OVCH2: variants seen among roughly 807,000 people sequenced by gnomAD.
OVCH2 encodes the protein ovochymase 2, also known as ovochymase-2.
In OVCH2, 88 loss-of-function variants were observed where a neutral mutation model predicts 73.7. That is an observed-to-expected ratio of 1.19 (90% CI 1.01 to 1.43). The LOEUF is 1.43. Ranked by LOEUF, OVCH2 falls within the 40% of genes most tolerant of loss-of-function variation. The pLI is 0.00. For missense variants in OVCH2, 706 were observed against 674.5 expected (o/e 1.05, Z -0.52); for synonymous variants, 265 against 234.5 (o/e 1.13, Z -1.19).
downstream of OVCH2, chr11:7,689,367 C>A (rs1856176376): frequency 8.5e-6 from 2 of 233,958 alleles, no homozygotes; most frequent in South Asian, 1.2e-4. Context: ...AGTCAGCCCC[C>A]ACAATTGTGT....
chr11:7,695,052 C>A lies in OVCH2; in HGVS notation c.1413+6G>T. ...ATAGCTACGTAAGGACAGCCAAAGT[C>A]AATACCTTAATTAGGTGATGTTTGG... On this transcript the variant is annotated splice_donor_region_variant and intron_variant, in intron 12 of 15. Transcript: ENST00000533663. The A allele has an allele frequency of 6.5e-7, 1 of 1,548,876 alleles. No homozygotes were observed. The highest frequency in any genetic ancestry group is 1.2e-5 in the South Asian group (1 of 83,012).
At chr11:7,686,404 G>C (rs1300161033), downstream of OVCH2, among the ~76,000 whole-genome samples, 1 of 152,116 alleles carries the variant, frequency 6.6e-6, no homozygotes, top group East Asian at 1.9e-4. Context: ...CATAAGTTTT[G>C]ATTTAAAAAT....
intron 3 of OVCH2, among the ~76,000 whole-genome samples, 174 bp from the exon 4 acceptor site, chr11:7,702,503 C>A (rs1328271581): frequency 6.6e-6 from 1 of 152,126 alleles, no homozygotes; most frequent in East Asian, 1.9e-4. Flanking sequence ...TGCAGAGATT[C>A]CAACTTCCAG....
intron 11 of OVCH2, 37 bp from the exon 12 acceptor site, chr11:7,695,225 T>C (rs1038934311): frequency 3.0e-5 from 46 of 1,525,588 alleles, no homozygotes; most frequent in Middle Eastern, 1.7e-4. Flanking sequence ...GATGGCACCA[T>C]TCAAATAAAG....
intron 7 of OVCH2, chr11:7,699,967 G>A (rs1476463031): frequency 9.1e-6 from 2 of 220,838 alleles, no homozygotes; most frequent in Non-Finnish European, 1.8e-5. Flanking sequence ...TGGTGCCATC[G>A]TGTAATGGTG....
chr11:7,691,043 G>A (rs1057252132), intron 14 of OVCH2, among the ~76,000 whole-genome samples: 6 of 152,152 alleles, frequency 3.9e-5, no homozygotes, highest in African/African-American at 1.2e-4. Flanking sequence ...ACAAGTTTAT[G>A]TACTGATCAG....
At chr11:7,695,486 T>A in intron 11 of OVCH2, 84 bp downstream of exon 11, 1 of 1,329,856 alleles carries the variant, frequency 7.5e-7, no homozygotes, top group Non-Finnish European at 1.0e-6. Flanking sequence ...GGGAGAGGGA[T>A]CCCTGCCACT....
chr11:7,697,039 ATTTTAT>A lies in OVCH2; in HGVS notation c.926-246_926-241del. 3 of 512,958 alleles carry A rather than the reference ATTTTAT, an allele frequency of 5.8e-6. No homozygotes were observed. In the South Asian group the frequency reaches 7.9e-5, roughly 14 times the overall value. The allele number at this position is 512,958 out of a possible 1,614,324, so 31.8% of individuals were successfully genotyped here. ...TAACTCTTCTCTCTCTTTTTATTTT[ATTTTAT>A]TTTATCTTTGAGGCAGGGCCTCAAT... On this transcript the variant is annotated intron_variant, in intron 8 of 15. Coordinates refer to ENST00000533663, the MANE Select transcript of OVCH2 (RefSeq NM_198185.7).
intron 8 of OVCH2, 131 bp downstream of exon 8, chr11:7,698,619 T>G (rs1589878303): frequency 2.3e-6 from 2 of 853,700 alleles, no homozygotes; most frequent in Non-Finnish European, 1.8e-6. Context: ...TGGCTGTAGG[T>G]GCTCCAGGTG....
chr11:7,684,074 C>T, the OVCH2 span, among the ~76,000 whole-genome samples: 1 of 151,394 alleles, frequency 6.6e-6, no homozygotes, highest in African/African-American at 2.4e-5. Flanking sequence ...TCTGCTTCCC[C>T]ATCCCCACTA....
downstream of OVCH2, among the ~76,000 whole-genome samples, chr11:7,687,067 T>C (rs1305264621): frequency 3.9e-5 from 6 of 152,056 alleles, no homozygotes; most frequent in Non-Finnish European, 7.4e-5. Context: ...TTTGGACTTC[T>C]TTCTACCTTA....
At chr11:7,687,126 C>A (rs1280159277), downstream of OVCH2, among the ~76,000 whole-genome samples, 2 of 151,860 alleles carry the variant, frequency 1.3e-5, no homozygotes, top group African/African-American at 4.8e-5. Context: ...ACCCCCGGAC[C>A]CCAACCCCGC....
chr11:7,703,772 C>T lies in OVCH2; in HGVS notation c.216G>A (p.Arg72=). Residue 72 remains arginine (R), a synonymous_variant, in exon 3 of 16, where the codon AGG becomes AGA. Coordinates refer to ENST00000533663, the MANE Select transcript of OVCH2 (RefSeq NM_198185.7). ...SYPWQVSLKQ[R]QKHICGGSIV... ...TGCTTCCTCCACAAATATGCTTCTG[C>T]CTTTGTTTCAGAGATACCTAAATTG... 1 of 1,608,104 alleles carries T rather than the reference C, an allele frequency of 6.2e-7. No homozygotes were observed. The highest frequency in any genetic ancestry group is 8.5e-7 in the Non-Finnish European group (1 of 1,177,138).
At chr11:7,706,246 T>C (rs868763627) in intron 1 of OVCH2, 61 bp downstream of exon 1, 1 of 1,456,140 alleles carries the variant, frequency 6.9e-7, no homozygotes, top group Non-Finnish European at 9.3e-7. Context: ...CTCGGAGTTG[T>C]GACGTCCATT....
chr11:7,678,936 A>T, the OVCH2 span, among the ~76,000 whole-genome samples: 3 of 152,358 alleles, frequency 2.0e-5, no homozygotes, highest in South Asian at 6.2e-4. Context: ...CTCTGGATCT[A>T]AAATAAAAGG....
At chr11:7,703,150 T>C (rs1421163293) in intron 3 of OVCH2, among the ~76,000 whole-genome samples, 2 of 152,190 alleles carry the variant, frequency 1.3e-5, no homozygotes, top group African/African-American at 2.4e-5. Context: ...AGAATGACTA[T>C]ATGGGAACAT....
At chr11:7,703,939 A>G in intron 2 of OVCH2, 150 bp from the exon 3 acceptor site, 1 of 683,072 alleles carries the variant, frequency 1.5e-6, no homozygotes, top group Non-Finnish European at 2.5e-6. Flanking sequence ...CCCAGACACT[A>G]CCGCTCAGAA....
intron 9 of OVCH2, 58 bp from the exon 10 acceptor site, chr11:7,696,647 C>A: frequency 6.2e-7 from 1 of 1,613,818 alleles, no homozygotes. Flanking sequence ...TATCACAGTC[C>A]AATTGGTGGG....
chr11:7,695,648 T>G lies in OVCH2; in HGVS notation c.1204A>C (p.Lys402Gln). ...TTATCTGTGGCATCAGAGACGAATT[T>G]CAGCCTTAGAGAATTAGAGCCAATA... ...ILIGSNSLRL[K>Q]FVSDATDNAA... The change falls in exon 11 of 16, where the codon AAA (lysine) becomes CAA (glutamine). Residue 402 changes from lysine to glutamine, a missense_variant. By Grantham distance (53) the Lys-to-Gln change is moderately conservative. Transcript: ENST00000533663. 1 of 1,612,434 alleles carries G rather than the reference T, an allele frequency of 6.2e-7. No homozygotes were observed. Among genetic ancestry groups the G allele is most frequent in the Non-Finnish European group, 8.5e-7 (1 of 1,179,792 alleles).
Sources: allele counts gnomAD v4.1 joint callset (sites outside exome capture counted in the v4.1 genomes callset), GRCh38; gene constraint gnomAD v4.1.1; transcripts MANE v1.5; gene names NCBI Gene and HGNC (gene_info 2026-07-23, HGNC 2026-07-21).